NEGR1: variants seen among roughly 807,000 people sequenced by gnomAD.
NEGR1 encodes neuronal growth regulator 1, also known as IgLON family member 4.
A neutral mutation model predicts 40.9 loss-of-function variants in NEGR1; 10 were observed. The observed-to-expected ratio is 0.24, with a 90% CI of 0.15 to 0.42. The LOEUF is 0.42. NEGR1 is among the 10% of genes least tolerant of loss of function. The probability of loss-of-function intolerance (pLI) is 1.00; values close to 1 mark genes in which losing one functional copy is unlikely to be tolerated. For missense variants in NEGR1, 352 were observed against 438.9 expected, an observed-to-expected ratio of 0.80 and a Z score of 1.77; for synonymous variants, 185 against 166.8, an observed-to-expected ratio of 1.11 and a Z score of -0.84.
intron 2 of NEGR1, among the ~76,000 whole-genome samples, chr1:71,926,653 T>TC (rs948380468): frequency 6.6e-6 from 1 of 151,506 alleles, no homozygotes; most frequent in Non-Finnish European, 1.5e-5. Flanking sequence ...CAATATGATT[T>TC]TTTTTTTTGG....
intron 1 of NEGR1, among the ~76,000 whole-genome samples, chr1:72,022,260 CATATATATATATATATA>C (rs1341525283): frequency 1.8e-5 from 2 of 111,666 alleles, no homozygotes; most frequent in South Asian, 5.9e-4. Context: ...AAACAATTTT[CATATATATATATATATA>C]TATATATATA....
chr1:71,945,439 A>C (rs1646009555), intron 1 of NEGR1, among the ~76,000 whole-genome samples: 1 of 152,182 alleles, frequency 6.6e-6, no homozygotes, highest in South Asian at 2.1e-4. Flanking sequence ...TAATTAGAAG[A>C]AGGAAAAAAA....
rs555930740 is a variant in NEGR1, at chr1:71,694,533, C to G, written c.667+3475G>C. On this transcript the variant is annotated intron_variant, in intron 4 of 6. Transcript: ENST00000357731. Reference sequence around the variant, plus strand: ...TATTCAACCAACCAACTAGCTCTATCTGTATAGTCAATTATATAGTCAATT... The same window carrying G: ...TATTCAACCAACCAACTAGCTCTATGTGTATAGTCAATTATATAGTCAATT... 4.0e-5 allele frequency among the ~76,000 whole-genome samples: 6 copies of G among 151,798 alleles called. No homozygotes were observed. The South Asian group carries it at 1.2e-3, about 32-fold the overall frequency.
intron 1 of NEGR1, among the ~76,000 whole-genome samples, chr1:72,074,388 T>C (rs755139878): frequency 1.3e-5 from 2 of 152,080 alleles, no homozygotes; most frequent in Non-Finnish European, 2.9e-5. Context: ...CTTATATTAA[T>C]ATTATTCTTT....
intron 3 of NEGR1, among the ~76,000 whole-genome samples, chr1:71,741,893 T>C (rs561377493): frequency 6.6e-6 from 1 of 152,232 alleles, no homozygotes; most frequent in East Asian, 1.9e-4. Flanking sequence ...CCAGATCTCA[T>C]GAGAAGTCAC....
chr1:71,613,137 A>G (rs937629777), intron 4 of NEGR1, among the ~76,000 whole-genome samples: 1 of 152,204 alleles, frequency 6.6e-6, no homozygotes, highest in Non-Finnish European at 1.5e-5. Flanking sequence ...GAATGCAGTA[A>G]GCAAGGCAAA....
chr1:71,880,855 G>A (rs985165265), intron 2 of NEGR1, among the ~76,000 whole-genome samples: 2 of 151,902 alleles, frequency 1.3e-5, no homozygotes, highest in African/African-American at 2.4e-5. Flanking sequence ...GGGGATAGGA[G>A]GTTAATATTT....
intron 2 of NEGR1, among the ~76,000 whole-genome samples, chr1:71,800,188 G>C (rs1477058697): frequency 1.3e-5 from 2 of 152,040 alleles, no homozygotes; most frequent in Non-Finnish European, 2.9e-5. Context: ...ACTTTTTGAT[G>C]GGATTGTTTG....
At chr1:72,168,764 G>T (rs1451196577) in intron 1 of NEGR1, among the ~76,000 whole-genome samples, 1 of 152,112 alleles carries the variant, frequency 6.6e-6, no homozygotes, top group African/African-American at 2.4e-5. Flanking sequence ...GCCAGGTGTG[G>T]TGGCTTGCGC....
chr1:72,125,462 T>TA (rs138279972), intron 1 of NEGR1, among the ~76,000 whole-genome samples: 34,129 of 151,352 alleles, frequency 0.23, 4,379 homozygotes, highest in Non-Finnish European at 0.29. Flanking sequence ...CGTGGCCAAA[T>TA]AAAAAAAAAT....
chr1:71,621,679 A>G (rs1035130283), intron 4 of NEGR1, among the ~76,000 whole-genome samples: 1 of 151,912 alleles, frequency 6.6e-6, no homozygotes, highest in African/African-American at 2.4e-5. Context: ...AGGAGGATGA[A>G]TGAAATCTCC....
At chr1:71,477,624 C>T (rs976983958) in intron 6 of NEGR1, among the ~76,000 whole-genome samples, 15 of 152,072 alleles carry the variant, frequency 9.9e-5, no homozygotes, top group African/African-American at 3.6e-4. Flanking sequence ...AATAAGTGTC[C>T]AGTTGCTTTA....
At chr1:72,032,824 A>G (rs1248816322) in intron 1 of NEGR1, among the ~76,000 whole-genome samples, 1 of 152,128 alleles carries the variant, frequency 6.6e-6, no homozygotes, top group Non-Finnish European at 1.5e-5. Flanking sequence ...GACTCCAGCA[A>G]TTTAGTTAAA....
intron 1 of NEGR1, among the ~76,000 whole-genome samples, chr1:72,106,345 T>C (rs962630464): frequency 2.6e-5 from 4 of 152,014 alleles, no homozygotes; most frequent in African/African-American, 9.7e-5. Flanking sequence ...AAATTCAACT[T>C]GAAAAAGCAG....
chr1:71,600,284 T>C (rs1026094093), intron 5 of NEGR1, among the ~76,000 whole-genome samples: 6 of 152,150 alleles, frequency 3.9e-5, no homozygotes, highest in African/African-American at 1.4e-4. Flanking sequence ...ATGATAAGCG[T>C]TGGGGACATG....
intron 6 of NEGR1, among the ~76,000 whole-genome samples, chr1:71,534,412 G>T (rs1051744368): frequency 6.6e-6 from 1 of 151,632 alleles, no homozygotes; most frequent in Non-Finnish European, 1.5e-5. Context: ...GATTCTTTGG[G>T]CCCTTTTCTG....
intron 3 of NEGR1, among the ~76,000 whole-genome samples, chr1:71,719,393 T>C (rs981401471): frequency 6.6e-6 from 1 of 152,122 alleles, no homozygotes; most frequent in East Asian, 1.9e-4. Context: ...AAAAATTAAT[T>C]GTCTGGCCTG....
intron 1 of NEGR1, among the ~76,000 whole-genome samples, chr1:72,155,645 C>A (rs1476655587): frequency 6.6e-6 from 1 of 151,818 alleles, no homozygotes; most frequent in Non-Finnish European, 1.5e-5. Flanking sequence ...GAATCTATTC[C>A]AATATTAATA....
chr1:71,842,108 A>G (rs1180575406), intron 2 of NEGR1, among the ~76,000 whole-genome samples: 1 of 152,180 alleles, frequency 6.6e-6, no homozygotes, highest in African/African-American at 2.4e-5. Context: ...GACATTTGTT[A>G]GCTCAGAAGT....
Sources: allele counts gnomAD v4.1 joint callset (sites outside exome capture counted in the v4.1 genomes callset), GRCh38; gene constraint gnomAD v4.1.1; transcripts MANE v1.5; gene names NCBI Gene and HGNC (gene_info 2026-07-23, HGNC 2026-07-21).